RASAL2: variants seen among roughly 807,000 people sequenced by gnomAD.
The protein encoded by RASAL2 is ras GTPase-activating protein nGAP.
In RASAL2, 58 loss-of-function variants were observed where a neutral mutation model predicts 128.9. The ratio of observed to expected loss-of-function variants is 0.45; its 90% CI spans 0.36 to 0.56. The LOEUF is 0.56. RASAL2 is among the 20% of genes least tolerant of loss of function. The probability of loss-of-function intolerance (pLI) is 0.00; values close to 1 mark genes in which losing one functional copy is unlikely to be tolerated. For synonymous variants in RASAL2, 561 were observed against 580.8 expected, an observed-to-expected ratio of 0.97 and a Z score of 0.49; for missense variants, 1,360 against 1,601.6, an observed-to-expected ratio of 0.85 and a Z score of 2.57.
chr1:178,401,605 T>C (rs1673633319), intron 4 of RASAL2, among the ~76,000 whole-genome samples: 1 of 152,104 alleles, frequency 6.6e-6, no homozygotes, highest in Admixed American at 6.5e-5. Context: ...GTTCTGTGAA[T>C]AGCCACTGAA....
At chr1:178,379,726 G>T (rs1293023102) in intron 3 of RASAL2, among the ~76,000 whole-genome samples, 3 of 151,974 alleles carry the variant, frequency 2.0e-5, no homozygotes, top group Admixed American at 2.0e-4. Flanking sequence ...CTTTGTTTAG[G>T]GATTTCCTTA....
chr1:178,244,444 T>C (rs1664671804), intron 1 of RASAL2, among the ~76,000 whole-genome samples: 1 of 152,102 alleles, frequency 6.6e-6, no homozygotes, highest in Admixed American at 6.5e-5. Flanking sequence ...GGTTTCACCA[T>C]ATTGGTCAGG....
chr1:178,300,581 C>T (rs1482460355), intron 3 of RASAL2, among the ~76,000 whole-genome samples: 2 of 152,136 alleles, frequency 1.3e-5, no homozygotes, highest in Non-Finnish European at 2.9e-5. Flanking sequence ...TTGCATGTCT[C>T]ATAAAAGTCA....
intron 1 of RASAL2, among the ~76,000 whole-genome samples, chr1:178,204,082 A>G (rs1662961114): frequency 1.3e-5 from 2 of 152,272 alleles, no homozygotes; most frequent in Non-Finnish European, 2.9e-5. Flanking sequence ...AATGAGGACC[A>G]TAATTGTCAT....
At chr1:178,255,648 A>G (rs1665307868) in intron 1 of RASAL2, among the ~76,000 whole-genome samples, 1 of 152,112 alleles carries the variant, frequency 6.6e-6, no homozygotes, top group South Asian at 2.1e-4. Flanking sequence ...GATTCTAGTG[A>G]GATATGTATG....
chr1:178,409,397 A>G (rs1674213725), intron 4 of RASAL2, among the ~76,000 whole-genome samples: 1 of 152,154 alleles, frequency 6.6e-6, no homozygotes, highest in South Asian at 2.1e-4. Flanking sequence ...GGGGCACGTA[A>G]TCTAGGGCAG....
intron 2 of RASAL2, among the ~76,000 whole-genome samples, chr1:178,295,223 C>A (rs540302754): frequency 2.7e-5 from 4 of 148,836 alleles, no homozygotes; most frequent in African/African-American, 9.9e-5. Context: ...GTGGTCTAAG[C>A]GTTGGCATTT....
intron 4 of RASAL2, among the ~76,000 whole-genome samples, chr1:178,394,374 C>T (rs1241610726): frequency 6.6e-6 from 1 of 152,138 alleles, no homozygotes; most frequent in East Asian, 1.9e-4. Context: ...TATCCAGGTA[C>T]ATACTTAAGT....
At position 178,189,474 on chromosome 1, in the gene RASAL2, T is replaced by A. The variant is rs570749912; in HGVS notation, c.203-94090T>A. Among the ~76,000 whole-genome samples, 20 of 152,294 alleles carry A rather than the reference T, an allele frequency of 1.3e-4. No homozygotes were observed. The South Asian group carries it at 3.5e-3, about 27-fold the overall frequency. ...TATACTTTTCTGTAGAACCAAAAAT[T>A]TAACGAATACATTTTTCTGGAAGCT... On this transcript the variant is annotated intron_variant, in intron 1 of 17. Transcript: ENST00000367649.
At position 178,094,609 on chromosome 1, in the gene RASAL2, A is replaced by G; in HGVS notation, c.117A>G (p.Pro39=). ...LPPEDLDAVV[P]VSGAVAGGML... ...CGGAGGACCTGGACGCGGTTGTCCC[A>G]GTCAGTGGAGCCGTCGCCGGTGGCA... The change falls in exon 1 of 18, where the codon CCA becomes CCG. Residue 39 remains proline (P), a synonymous_variant. Coordinates refer to ENST00000367649, the MANE Select transcript of RASAL2 (RefSeq NM_170692.4). The G allele has an allele frequency of 2.5e-6, 4 of 1,612,924 alleles. No individual in the cohort carries two copies. The highest frequency in any genetic ancestry group is 2.7e-5 in the African/African-American group (2 of 75,026).
chr1:178,359,456 T>C (rs1409639773), intron 3 of RASAL2, among the ~76,000 whole-genome samples: 3 of 152,242 alleles, frequency 2.0e-5, no homozygotes, highest in Non-Finnish European at 4.4e-5. Context: ...CTTTGCAGTA[T>C]TCTTAAAGCC....
At chr1:178,357,973 C>T (rs1031138977) in intron 3 of RASAL2, among the ~76,000 whole-genome samples, 12 of 151,936 alleles carry the variant, frequency 7.9e-5, no homozygotes, top group African/African-American at 2.9e-4. Flanking sequence ...TGGTGCCTCA[C>T]ACCTGTAATC....
chr1:178,365,925 A>T (rs752740442), intron 3 of RASAL2, among the ~76,000 whole-genome samples: 1 of 152,196 alleles, frequency 6.6e-6, no homozygotes, highest in Admixed American at 6.5e-5. Context: ...TGCAATCAGT[A>T]CCCATGATTT....
At chr1:178,302,014 A>T (rs1347161909) in intron 3 of RASAL2, among the ~76,000 whole-genome samples, 2 of 152,186 alleles carry the variant, frequency 1.3e-5, no homozygotes, top group Non-Finnish European at 2.9e-5. Flanking sequence ...GTCCATGAGC[A>T]AATGTCCTAA....
At chr1:178,241,464 A>G (rs113116324) in intron 1 of RASAL2, among the ~76,000 whole-genome samples, 7 of 152,306 alleles carry the variant, frequency 4.6e-5, no homozygotes, top group Non-Finnish European at 7.4e-5. Flanking sequence ...TTAAATTTCC[A>G]TGGGTAAGCT....
chr1:178,176,803 G>C (rs1175005637), intron 1 of RASAL2, among the ~76,000 whole-genome samples: 1 of 151,892 alleles, frequency 6.6e-6, no homozygotes, highest in African/African-American at 2.4e-5. Context: ...GTGCCACCAT[G>C]CCTGGCTAAT....
chr1:178,469,800 G>C (rs1173462502), intron 17 of RASAL2, among the ~76,000 whole-genome samples: 1 of 152,062 alleles, frequency 6.6e-6, no homozygotes, highest in Non-Finnish European at 1.5e-5. Flanking sequence ...ATCATACTGG[G>C]ATTGGTTAAA....
chr1:178,193,449 TAATA>T (rs1662555570), intron 1 of RASAL2, among the ~76,000 whole-genome samples: 1 of 152,164 alleles, frequency 6.6e-6, no homozygotes, highest in Admixed American at 6.5e-5. Flanking sequence ...ATATTGAAAA[TAATA>T]AAAATTAAAT....
At chr1:178,262,213 T>C (rs1665730789) in intron 1 of RASAL2, among the ~76,000 whole-genome samples, 1 of 152,178 alleles carries the variant, frequency 6.6e-6, no homozygotes, top group South Asian at 2.1e-4. Flanking sequence ...GCTCCTTGTA[T>C]TGTTAGGAAG....
Sources: gnomAD v4.1 joint callset for allele counts (sites outside exome capture counted in the v4.1 genomes callset) on GRCh38, gnomAD v4.1.1 for gene constraint, MANE v1.5 for transcripts, NCBI Gene and HGNC (gene_info 2026-07-23, HGNC 2026-07-21) for gene names.